ISYNA1: variants seen among roughly 807,000 people sequenced by gnomAD.
ISYNA1 encodes MI-1-P synthase.
ISYNA1 carries 34 observed loss-of-function variants against 50.3 expected under a neutral mutation model. The ratio of observed to expected loss-of-function variants is 0.68; its 90% CI spans 0.51 to 0.90. The LOEUF (loss-of-function observed/expected upper bound fraction) is 0.90. ISYNA1 is among the 40% of genes least tolerant of loss of function. ISYNA1 has a pLI of 0.00. For missense variants in ISYNA1, 718 were observed against 784.8 expected, an observed-to-expected ratio of 0.91 and a Z score of 1.02; for synonymous variants, 396 against 349.9, an observed-to-expected ratio of 1.13 and a Z score of -1.47.
chr19:18,436,901 C>T (rs372324582), intron 4 of ISYNA1, 24 bp from the exon 5 acceptor site: 22 of 1,598,724 alleles, frequency 1.4e-5, no homozygotes, highest in Non-Finnish European at 1.7e-5. Context: ...CACACTCGGC[C>T]CTGCCCGGAT....
chr19:18,437,385 C>G (rs1974102736), intron 3 of ISYNA1: 1 of 1,245,278 alleles, frequency 8.0e-7, no homozygotes. Flanking sequence ...GCAAGCCCTC[C>G]CGCCCCACAG....
Position 18,437,985 on chromosome 19 carries a change from C to T in ISYNA1, c.-6G>A, listed in dbSNP as rs1232338214. 1.9e-6 allele frequency: 3 copies of T among 1,561,782 alleles called. No individual in the cohort carries two copies. Among genetic ancestry groups the T allele is most frequent in the Admixed American group, 1.9e-5 (1 of 53,094 alleles). On this transcript the variant is annotated 5_prime_UTR_variant, in exon 2 of 11. Coordinates refer to ENST00000338128, the MANE Select transcript of ISYNA1 (RefSeq NM_016368.5). ...AACTGGGCGGCGGCCTCCATCGCGG[C>T]GGGCTGGGGGCCCGGGGTGAGCAGG...
rs769021617 is a variant in ISYNA1 at position 18,435,811 on chromosome 19, G to C, written c.1086C>G (p.Asp362Glu). The change falls in exon 8 of 11, where the codon GAC (aspartate) becomes GAG (glutamate). Residue 362 changes from aspartate (D) to glutamate (E), a missense_variant. Asp to Glu is a conservative substitution (Grantham distance 45). Transcript: ENST00000338128. ...AGAGCACTGGGTTGCTCTGCACCATGTCGTCCACCACGTTGCTCTTGGACA... is the reference window on the plus strand; with the variant it reads ...AGAGCACTGGGTTGCTCTGCACCATCTCGTCCACCACGTTGCTCTTGGACA... ...KEVSKSNVVD[D>E]MVQSNPVLYT... The C allele has an allele frequency of 6.2e-7, 1 of 1,613,854 alleles. No individual in the cohort carries two copies. Among genetic ancestry groups the C allele is most frequent in the Non-Finnish European group, 8.5e-7 (1 of 1,179,950 alleles).
At chr19:18,437,497 GC>G (rs1391085856) in intron 3 of ISYNA1, 101 bp downstream of exon 3, 10 of 146,002 alleles carry the variant, frequency 6.8e-5, no homozygotes, top group East Asian at 1.6e-4. Context: ...ACCCCCTACA[GC>G]CCCCCTGGTC....
intron 4 of ISYNA1, 23 bp from the exon 5 acceptor site, chr19:18,436,900 C>A (rs765365223): frequency 4.4e-6 from 7 of 1,598,414 alleles, no homozygotes; most frequent in Non-Finnish European, 6.0e-6. Flanking sequence ...TCACACTCGG[C>A]CCTGCCCGGA....
At position 18,436,442 on chromosome 19, in the gene ISYNA1, G is replaced by T. The variant is rs771192479; in HGVS notation, c.647C>A (p.Ser216Tyr). The T allele has an allele frequency of 1.6e-5, 25 of 1,608,796 alleles. No individual in the cohort carries two copies. The South Asian group carries it at 2.4e-4, about 16-fold the overall frequency. Reference protein sequence around the residue: ...QIRRDIRDFRSSAGLDKVIVL... With the variant: ...QIRRDIRDFRYSAGLDKVIVL... ...TATGACTTTGTCCAGCCCCGCGCTA[G>T]ACCGGAAGTCTCGGATGTCCCTGCG... The change falls in exon 6 of 11, where the codon TCT (serine) becomes TAT (tyrosine). Residue 216 changes from serine to tyrosine, a missense_variant. This residue lies in a region of ISYNA1 where 403 missense variants were observed against 466.6 expected (regional missense o/e 0.86). Coordinates refer to ENST00000338128, the MANE Select transcript of ISYNA1 (RefSeq NM_016368.5).
At position 18,435,037 on chromosome 19, in the gene ISYNA1, A is replaced by C; in HGVS notation, c.1553T>G (p.Val518Gly). Residue 518 changes from valine to glycine, a missense_variant, in exon 11 of 11, where the codon GTT (valine) becomes GGT (glycine). Coordinates refer to ENST00000338128, the MANE Select transcript of ISYNA1 (RefSeq NM_016368.5). ...MERPGPSLKR[V>G]GPVAATYPML... is the part of the protein sequence containing the mutation. Reference sequence around the variant, plus strand: ...AGGGTAGGTGGCAGCCACGGGTCCAACTCGCTTGAGGCTGGGCCCTGGGCG... The same window carrying C: ...AGGGTAGGTGGCAGCCACGGGTCCACCTCGCTTGAGGCTGGGCCCTGGGCG... 1.9e-6 allele frequency: 3 copies of C among 1,613,496 alleles called. No individual in the cohort carries two copies. The highest frequency in any genetic ancestry group is 2.5e-6 in the Non-Finnish European group (3 of 1,179,980).
chr19:18,435,667 T>G lies in ISYNA1; in HGVS notation c.1150A>C (p.Lys384Gln). The change falls in exon 9 of 11, where the codon AAG becomes CAG. Residue 384 changes from lysine (K) to glutamine (Q), a missense_variant. Coordinates refer to ENST00000338128, the MANE Select transcript of ISYNA1 (RefSeq NM_016368.5). ...GEEPDHCVVI[K>Q]YVPYVGDSKR... Reference sequence around the variant, plus strand: ...CTGTCACCCACGTACGGCACATACTTGATGACCACCTGGAGTGCAGCAGGA... The same window carrying G: ...CTGTCACCCACGTACGGCACATACTGGATGACCACCTGGAGTGCAGCAGGA... 6.2e-7 allele frequency: 1 copy of G among 1,611,992 alleles called. No homozygotes were observed.
At position 18,434,752 on chromosome 19, in the gene ISYNA1, A is replaced by C; in HGVS notation, c.*161T>G. On this transcript the variant is annotated 3_prime_UTR_variant, in exon 11 of 11. Transcript: ENST00000338128. ...GGGATGGGACTGAAGCTGGGCGCTC[A>C]AGAGTCGGGGAAGTAGAGGGAGGCA... is the stretch of plus-strand genomic sequence containing the variant. The C allele has an allele frequency of 3.1e-6, 2 of 641,496 alleles. No homozygotes were observed. Among genetic ancestry groups the C allele is most frequent in the Non-Finnish European group, 2.7e-6 (1 of 367,474 alleles). 39.7% of individuals were successfully genotyped at this position (641,496 alleles called of 1,614,324 possible).
intron 10 of ISYNA1, 63 bp downstream of exon 10, chr19:18,435,202 CT>C (rs1165172891): frequency 1.9e-6 from 3 of 1,588,660 alleles, no homozygotes; most frequent in Non-Finnish European, 2.6e-6. Context: ...CCCCCAAGCC[CT>C]GTGCATAGCT....
In ISYNA1 at chr19:18,435,637, G is replaced by C; in HGVS notation, c.1180C>G (p.Arg394Gly). 6.2e-7 allele frequency: 1 copy of C among 1,611,444 alleles called. No individual in the cohort carries two copies. Among genetic ancestry groups the C allele is most frequent in the Non-Finnish European group, 8.5e-7 (1 of 1,179,062 alleles). ...TCCGAGGTATACTCATCCAGCGCGC[G>C]CTTGCTGTCACCCACGTACGGCACA... is the stretch of plus-strand genomic sequence containing the variant. ...KYVPYVGDSK[R>G]ALDEYTSELM... Residue 394 changes from arginine (R) to glycine (G), a missense_variant, in exon 9 of 11, where the codon CGC (arginine) becomes GGC (glycine). This residue lies in a region of ISYNA1 where 305 missense variants were observed against 292.6 expected (regional missense o/e 1.04). Transcript: ENST00000338128.
rs748605840 is a variant in ISYNA1, at chr19:18,436,498, G to A, written c.610-19C>T. The A allele has an allele frequency of 6.3e-5, 101 of 1,602,058 alleles. 1 individual carries two copies. In the South Asian group the frequency reaches 8.8e-4, roughly 14 times the overall value. ...GCTCCAGCTGTGGGTTGGATGGTGA[G>A]GGTGTGGGGAGGATGGAGAGGGTGT... On this transcript the variant is annotated intron_variant, in intron 5 of 10. Coordinates refer to ENST00000338128, the MANE Select transcript of ISYNA1 (RefSeq NM_016368.5).
In ISYNA1 at chr19:18,435,827, C is replaced by A. The variant is rs1394585819; in HGVS notation, c.1070G>T (p.Ser357Ile). Residue 357 changes from serine (S) to isoleucine (I), a missense_variant, in exon 8 of 11, where the codon AGC becomes ATC. Physicochemically the swap from Ser to Ile is moderately radical, Grantham distance 142 (BLOSUM62 -2). Transcript: ENST00000338128. ...CTGCACCATGTCGTCCACCACGTTGCTCTTGGACACCTCCTTAGAGCGGAA... is the reference window on the plus strand; with the variant it reads ...CTGCACCATGTCGTCCACCACGTTGATCTTGGACACCTCCTTAGAGCGGAA... ...LQFRSKEVSKSNVVDDMVQSN... is the reference protein window; with the variant it reads ...LQFRSKEVSKINVVDDMVQSN... 1.2e-6 allele frequency: 2 copies of A among 1,613,848 alleles called. No homozygotes were observed. The highest frequency in any genetic ancestry group is 4.5e-5 in the East Asian group (2 of 44,894).
chr19:18,436,762 A>G lies in ISYNA1; in HGVS notation c.531T>C (p.Ser177=), dbSNP rs749293912. The G allele has an allele frequency of 2.1e-4, 330 of 1,576,532 alleles. 1 individual carries two copies. The highest frequency in any genetic ancestry group is 2.6e-4 in the Admixed American group (13 of 50,110). ...PHMEALRPRP[S]VYIPEFIAAN... ...CCGCGATGAATTCGGGGATGTAAACAGAAGGCCGGGGCCGCAGGGCCTCCA... is the reference window on the plus strand; with the variant it reads ...CCGCGATGAATTCGGGGATGTAAACGGAAGGCCGGGGCCGCAGGGCCTCCA... Residue 177 remains serine, a synonymous_variant, in exon 5 of 11, where the codon TCT becomes TCC. Transcript: ENST00000338128.
Position 18,438,105 on chromosome 19 carries a change from G to A in ISYNA1, c.-22C>T. The A allele has an allele frequency of 2.9e-6, 3 of 1,049,490 alleles. No homozygotes were observed. The highest frequency in any genetic ancestry group is 1.7e-5 in the African/African-American group (1 of 58,956). 65.0% of individuals were successfully genotyped at this position (1,049,490 alleles called of 1,614,324 possible). A position where few individuals can be genotyped will look rare whatever the true frequency, so the allele number is the denominator to read the frequency against. ...GAACCGCACTCACCGGCGCAGAGTC[G>A]ACTCAGGCAGCGGCGGCGGACAGCG... On this transcript the variant is annotated 5_prime_UTR_variant, in exon 1 of 11. Coordinates refer to ENST00000338128, the MANE Select transcript of ISYNA1 (RefSeq NM_016368.5).
intron 1 of ISYNA1, 44 bp downstream of exon 1, chr19:18,438,049 C>G: frequency 6.8e-7 from 1 of 1,466,218 alleles, no homozygotes; most frequent in East Asian, 2.5e-5. Flanking sequence ...GCCAAGCCAG[C>G]CTGGGTCCCC....
Position 18,434,964 on chromosome 19 carries a change from G to T in ISYNA1, c.1626C>A (p.Thr542=), listed in dbSNP as rs564672040. 7 of 1,613,420 alleles carry T rather than the reference G, an allele frequency of 4.3e-6. No homozygotes were observed. Among genetic ancestry groups the T allele is most frequent in the South Asian group, 3.3e-5 (3 of 91,092 alleles). The change falls in exon 11 of 11, where the codon ACC becomes ACA. Residue 542 remains threonine (T), a synonymous_variant. Transcript: ENST00000338128. Reference sequence around the variant, plus strand: ...CTTGCAGATGCCCATTGGCATCACCGGTGCAGCCATTGGTGGCAGCGGGTA... The same window carrying T: ...CTTGCAGATGCCCATTGGCATCACCTGTGCAGCCATTGGTGGCAGCGGGTA... ...GPVPAATNGC[T]GDANGHLQEE...
At position 18,435,550 on chromosome 19, in the gene ISYNA1, A is replaced by C. The variant is rs948678583; in HGVS notation, c.1254+13T>G. 6.2e-7 allele frequency: 1 copy of C among 1,603,488 alleles called. No individual in the cohort carries two copies. ...CCCTGCCTCCCATAGCAGCCCCTGAAGCCGCGCCGCACCTCACACGTGTTG... is the reference window on the plus strand; with the variant it reads ...CCCTGCCTCCCATAGCAGCCCCTGACGCCGCGCCGCACCTCACACGTGTTG... On this transcript the variant is annotated intron_variant, in intron 9 of 10. Transcript: ENST00000338128.
At chr19:18,435,728 C>T (rs373667789) in intron 8 of ISYNA1, 29 bp downstream of exon 8, 121 of 1,610,932 alleles carry the variant, frequency 7.5e-5, no homozygotes, top group Non-Finnish European at 1.0e-4. Context: ...CGCCGGGCAA[C>T]CCCGCGCCCG....
Sources: allele counts gnomAD v4.1 joint callset, GRCh38; gene constraint gnomAD v4.1.1; regional missense constraint gnomAD v4.1.1; transcripts MANE v1.5; gene names NCBI Gene and HGNC (gene_info 2026-07-23, HGNC 2026-07-21).